The following ARFGEF2 variants were observed in gnomAD, a reference collection of about 807,000 sequenced individuals.
The protein encoded by ARFGEF2 is brefeldin A-inhibited guanine nucleotide-exchange protein 2.
In ARFGEF2, 74 loss-of-function variants were observed where a neutral mutation model predicts 219.9. The observed-to-expected ratio is 0.34, with a 90% CI of 0.28 to 0.41. The LOEUF (loss-of-function observed/expected upper bound fraction) is 0.41, where lower values mean the gene tolerates loss of function less well. Among genes scored for constraint, ARFGEF2 ranks in the 10% least tolerant of loss-of-function variants. ARFGEF2 has a pLI of 1.00. For synonymous variants in ARFGEF2, 733 were observed against 799.2 expected (o/e 0.92, Z 1.40); for missense variants, 1,743 against 2,218.3 (o/e 0.79, Z 4.30).
intron 27 of ARFGEF2, among the ~76,000 whole-genome samples, chr20:49,011,534 T>C (rs901865686): frequency 5.3e-5 from 8 of 152,226 alleles, no homozygotes; most frequent in African/African-American, 1.4e-4. Context: ...GTTAGTTTAG[T>C]GTCCCCCTCC....
chr20:48,928,754 A>G (rs910824869), intron 1 of ARFGEF2, among the ~76,000 whole-genome samples: 3 of 152,082 alleles, frequency 2.0e-5, no homozygotes, highest in Non-Finnish European at 4.4e-5. Context: ...TCAGCCTCCT[A>G]AAGTGCTGGG....
chr20:49,000,020 A>G (rs183100604), intron 25 of ARFGEF2, among the ~76,000 whole-genome samples: 1 of 152,332 alleles, frequency 6.6e-6, no homozygotes, highest in African/African-American at 2.4e-5. Context: ...GGGTGCTGGT[A>G]AATGATTTGT....
At chr20:48,982,961 C>T (rs181561399) in intron 14 of ARFGEF2, among the ~76,000 whole-genome samples, 1 of 152,292 alleles carries the variant, frequency 6.6e-6, no homozygotes, top group East Asian at 1.9e-4. Context: ...CCGGGTAAAG[C>T]GATGCCCCGC....
intron 26 of ARFGEF2, among the ~76,000 whole-genome samples, chr20:49,008,177 T>C (rs554472656): frequency 7.9e-5 from 12 of 152,312 alleles, no homozygotes; most frequent in African/African-American, 2.9e-4. Flanking sequence ...GAAAATAGTT[T>C]TCTAGAAAAA....
chr20:49,001,540 G>A (rs1008445184), intron 25 of ARFGEF2, among the ~76,000 whole-genome samples: 1 of 152,176 alleles, frequency 6.6e-6, no homozygotes, highest in African/African-American at 2.4e-5. Flanking sequence ...CTGTGTCCTG[G>A]ATGAGCAAAG....
In ARFGEF2 at chr20:49,036,064, A is replaced by T. The variant is rs2091664782; in HGVS notation, c.*2865A>T. On this transcript the variant is annotated 3_prime_UTR_variant, in exon 39 of 39. Transcript: ENST00000371917. ...GGATATACATTTAGTAGTCTTTGTTATTAAAGGAACCTGCTGATAAGTACA... is the reference window on the plus strand; with the variant it reads ...GGATATACATTTAGTAGTCTTTGTTTTTAAAGGAACCTGCTGATAAGTACA... 2 of 396,642 alleles carry T rather than the reference A, an allele frequency of 5.0e-6. No individual in the cohort carries two copies. The highest frequency in any genetic ancestry group is 4.1e-5 in the African/African-American group (2 of 48,314). The allele number at this position is 396,642 out of a possible 1,614,324, so 24.6% of individuals were successfully genotyped here. A position where few individuals can be genotyped will look rare whatever the true frequency, so the allele number is the denominator to read the frequency against.
intron 26 of ARFGEF2, 94 bp from the exon 27 acceptor site, chr20:49,010,138 A>G (rs1180873356): frequency 2.0e-6 from 3 of 1,469,578 alleles, no homozygotes; most frequent in Non-Finnish European, 1.8e-6. Context: ...GCTATAAGAA[A>G]TGTTTAAGTG....
chr20:48,939,885 C>T (rs763251207), intron 1 of ARFGEF2, among the ~76,000 whole-genome samples: 5 of 152,182 alleles, frequency 3.3e-5, no homozygotes, highest in Admixed American at 2.0e-4. Flanking sequence ...GCTAGAATAA[C>T]TAGTGCCATA....
At position 49,003,342 on chromosome 20, in the gene ARFGEF2, T is replaced by A. The variant is rs1198340536; in HGVS notation, c.3433-1728T>A. On this transcript the variant is annotated intron_variant, in intron 25 of 38. Transcript: ENST00000371917. ...AACATTGGCCGGGCACGGTGGCTCATGCCTGTAATCCCAGCACTTTGGGAG... is the reference window on the plus strand; with the variant it reads ...AACATTGGCCGGGCACGGTGGCTCAAGCCTGTAATCCCAGCACTTTGGGAG... Among the ~76,000 whole-genome samples, 29 of 151,230 alleles carry A rather than the reference T, an allele frequency of 1.9e-4. 1 individual carries two copies. Among genetic ancestry groups the A allele is most frequent in the Admixed American group, 1.9e-3 (29 of 15,190 alleles).
chr20:48,981,277 G>C (rs1042423470), intron 14 of ARFGEF2, among the ~76,000 whole-genome samples: 2 of 152,134 alleles, frequency 1.3e-5, no homozygotes, highest in Admixed American at 1.3e-4. Flanking sequence ...TGGGTTGAAA[G>C]TTCTTTTCTT....
Position 48,998,493 on chromosome 20 carries a change from T to A in ARFGEF2, c.3420T>A (p.Asp1140Glu), listed in dbSNP as rs780885728. Residue 1140 changes from aspartate to glutamate, a missense_variant, in exon 25 of 39, where the codon GAT becomes GAA. Around this residue, in one of 5 missense-constraint regions of ARFGEF2, gnomAD observed 102 missense variants for 146.8 expected, o/e 0.69. Transcript: ENST00000371917. ...CTCGAATATGGCATGTGATTGGAGA[T>A]CACTTCAATAAGGTAACTCTTCAAA... Reference protein sequence around the residue: ...QWSRIWHVIGDHFNKVGCNPN... With the variant: ...QWSRIWHVIGEHFNKVGCNPN... 1 of 1,612,760 alleles carries A rather than the reference T, an allele frequency of 6.2e-7. No individual in the cohort carries two copies. Among genetic ancestry groups the A allele is most frequent in the Non-Finnish European group, 8.5e-7 (1 of 1,179,890 alleles).
chr20:48,951,259 T>G, intron 3 of ARFGEF2, 64 bp from the exon 4 acceptor site: 1 of 1,594,498 alleles, frequency 6.3e-7, no homozygotes, highest in Non-Finnish European at 8.6e-7. Context: ...TCTTGTGGGC[T>G]GCCACGGAAG....
At chr20:48,964,396 C>T (rs1323165036) in intron 7 of ARFGEF2, among the ~76,000 whole-genome samples, 2 of 152,262 alleles carry the variant, frequency 1.3e-5, no homozygotes, top group East Asian at 1.9e-4. Flanking sequence ...CAGAGCGAGA[C>T]TCCATCTCAA....
Position 49,032,036 on chromosome 20 carries a change from C to T in ARFGEF2, c.5064-13C>T. On this transcript the variant is annotated splice_polypyrimidine_tract_variant and intron_variant, in intron 37 of 38. Coordinates refer to ENST00000371917, the MANE Select transcript of ARFGEF2 (RefSeq NM_006420.3). ...AATTGTTTGATATGCCTCCCCCTCT[C>T]TAATTCTTCTAGTGTTTGCAGTGAA... The T allele has an allele frequency of 6.3e-7, 1 of 1,586,094 alleles. No individual in the cohort carries two copies. The highest frequency in any genetic ancestry group is 8.7e-7 in the Non-Finnish European group (1 of 1,154,742).
Position 48,991,177 on chromosome 20 carries a change from C to T in ARFGEF2, c.2952C>T (p.Tyr984=). ...CAGTGGCTCACACCGATGGCAACTA[C>T]CTTGGGAATTCCTGGCATGAGGTAC... ...LITVAHTDGN[Y]LGNSWHEILK... is the part of the protein sequence containing the mutation. Residue 984 remains tyrosine (Y), a synonymous_variant, in exon 21 of 39, where the codon TAC becomes TAT. Transcript: ENST00000371917. 3 of 1,614,212 alleles carry T rather than the reference C, an allele frequency of 1.9e-6. No individual in the cohort carries two copies. Among genetic ancestry groups the T allele is most frequent in the Non-Finnish European group, 2.5e-6 (3 of 1,180,036 alleles).
Position 49,011,920 on chromosome 20 carries a change from C to T in ARFGEF2, c.3758-4C>T. On this transcript the variant is annotated splice_region_variant and splice_polypyrimidine_tract_variant and intron_variant, in intron 27 of 38. Coordinates refer to ENST00000371917, the MANE Select transcript of ARFGEF2 (RefSeq NM_006420.3). ...TATGAAAAATGTGCCTTGTGTTCCC[C>T]CAGCAACTATTTTCCAGCACCATTT... 6.2e-7 allele frequency: 1 copy of T among 1,614,154 alleles called. No individual in the cohort carries two copies. The highest frequency in any genetic ancestry group is 8.5e-7 in the Non-Finnish European group (1 of 1,180,034).
chr20:49,020,034 T>C (rs2091556568), intron 34 of ARFGEF2, among the ~76,000 whole-genome samples: 1 of 152,244 alleles, frequency 6.6e-6, no homozygotes, highest in Non-Finnish European at 1.5e-5. Context: ...ATCCTCATAG[T>C]AGCCTTTGAA....
Position 48,934,088 on chromosome 20 carries a change from C to G in ARFGEF2, c.122-7111C>G, listed in dbSNP as rs978957608. On this transcript the variant is annotated intron_variant, in intron 1 of 38. Transcript: ENST00000371917. ...TGAGCCAAGAAGGCGCCACTGCACT[C>G]CAGCCTGGGCAACAGAGTGGGACTT... Among the ~76,000 whole-genome samples the G allele has an allele frequency of 4.9e-5, 7 of 143,570 alleles. No individual in the cohort carries two copies. In the Admixed American group the frequency reaches 5.1e-4, roughly 10 times the overall value. 94.2% of individuals were successfully genotyped at this position (143,570 alleles called of 152,430 possible). A position where few individuals can be genotyped will look rare whatever the true frequency, so the allele number is the denominator to read the frequency against.
At chr20:49,028,488 T>C in intron 36 of ARFGEF2, 42 bp from the exon 37 acceptor site, 2 of 1,595,296 alleles carry the variant, frequency 1.3e-6, no homozygotes, top group Non-Finnish European at 1.7e-6. Context: ...ATCAGCATTA[T>C]CTTAGAAATG....
Sources: allele counts gnomAD v4.1 joint callset (sites outside exome capture counted in the v4.1 genomes callset), GRCh38; gene constraint gnomAD v4.1.1; regional missense constraint gnomAD v4.1.1; transcripts MANE v1.5; gene names NCBI Gene and HGNC (gene_info 2026-07-23, HGNC 2026-07-21).